The following TENM3 variants were observed in gnomAD, a reference collection of about 807,000 sequenced individuals.
The protein encoded by TENM3 is teneurin transmembrane protein 3, also known as teneurin-3.
A neutral mutation model predicts 255.1 loss-of-function variants in TENM3; 63 were observed. The observed-to-expected ratio is 0.25, with a 90% CI of 0.20 to 0.30. TENM3 has a LOEUF of 0.30. Among genes scored for constraint, TENM3 ranks in the 10% least tolerant of loss-of-function variants. The pLI, the probability that TENM3 is intolerant of heterozygous loss-of-function variation, is 1.00. For synonymous variants in TENM3, 1,306 were observed against 1,322.3 expected, an observed-to-expected ratio of 0.99 and a Z score of 0.27; for missense variants, 2,929 against 3,461.1, an observed-to-expected ratio of 0.85 and a Z score of 3.86.
At chr4:182,488,924 A>G (rs1056029249) in intron 3 of TENM3, among the ~76,000 whole-genome samples, 1 of 152,152 alleles carries the variant, frequency 6.6e-6, no homozygotes, top group Non-Finnish European at 1.5e-5. Flanking sequence ...CCTGGGCCTA[A>G]CAGTCATTTG....
At chr4:182,791,063 A>G (rs1766068656) in intron 25 of TENM3, among the ~76,000 whole-genome samples, 3 of 152,218 alleles carry the variant, frequency 2.0e-5, no homozygotes, top group Non-Finnish European at 4.4e-5. Flanking sequence ...AACAAGTAAT[A>G]TTTTACAGAC....
At chr4:181,756,972 G>A in the TENM3 span, among the ~76,000 whole-genome samples, 9 of 152,204 alleles carry the variant, frequency 5.9e-5, no homozygotes, top group East Asian at 1.9e-4. Context: ...TGTTGGTGGC[G>A]ATCACAGGCA....
the TENM3 span, among the ~76,000 whole-genome samples, chr4:181,874,743 C>A: frequency 6.6e-6 from 1 of 152,180 alleles, no homozygotes; most frequent in Non-Finnish European, 1.5e-5. Context: ...GGTGCCCTAC[C>A]ATGCATGTTC....
At chr4:182,728,007 C>T (rs1408306503) in intron 13 of TENM3, among the ~76,000 whole-genome samples, 1 of 151,900 alleles carries the variant, frequency 6.6e-6, no homozygotes, top group African/African-American at 2.4e-5. Flanking sequence ...ACAACAGGCA[C>T]CTGTCACCCC....
At chr4:182,047,673 T>G in the TENM3 span, among the ~76,000 whole-genome samples, 1 of 151,722 alleles carries the variant, frequency 6.6e-6, no homozygotes, top group South Asian at 2.1e-4. Context: ...TAACCAACAC[T>G]GATATTCTTA....
At chr4:182,676,615 T>C (rs1344724077) in intron 7 of TENM3, among the ~76,000 whole-genome samples, 3 of 152,220 alleles carry the variant, frequency 2.0e-5, no homozygotes, top group Non-Finnish European at 4.4e-5. Context: ...ATTAAACATA[T>C]AATCTAACTT....
intron 16 of TENM3, among the ~76,000 whole-genome samples, chr4:182,736,591 T>C (rs1225360855): frequency 6.6e-6 from 1 of 152,198 alleles, no homozygotes; most frequent in Non-Finnish European, 1.5e-5. Flanking sequence ...TTGAATAAGA[T>C]AACAGCTCAA....
At chr4:182,335,733 T>C (rs1017430323) in intron 2 of TENM3, among the ~76,000 whole-genome samples, 17 of 152,170 alleles carry the variant, frequency 1.1e-4, no homozygotes, top group African/African-American at 4.1e-4. Flanking sequence ...TAAATTAAAA[T>C]ACCCAGAAAC....
chr4:182,380,180 A>G (rs572715731), intron 3 of TENM3, among the ~76,000 whole-genome samples: 18 of 152,354 alleles, frequency 1.2e-4, no homozygotes, highest in East Asian at 1.9e-4. Flanking sequence ...CTGAGGCATG[A>G]GAATCACTTG....
At chr4:181,771,284 T>C in the TENM3 span, among the ~76,000 whole-genome samples, 1 of 152,226 alleles carries the variant, frequency 6.6e-6, no homozygotes, top group Non-Finnish European at 1.5e-5. Flanking sequence ...TTGAGTCATC[T>C]TGTACAAATG....
At position 182,743,321 on chromosome 4, in the gene TENM3, G is replaced by A. The variant is rs370690717; in HGVS notation, c.3531G>A (p.Ala1177=). ...GTAACAAGTTACTGGCCCCAGTGGC[G>A]CTAGCTTGTGGGATCGATGGCAGTC... ...ADGNKLLAPV[A]LACGIDGSLY... is the part of the protein sequence containing the mutation. Residue 1177 remains alanine (A), a synonymous_variant, in exon 19 of 28, where the codon GCG becomes GCA. Coordinates refer to ENST00000511685, the MANE Select transcript of TENM3 (RefSeq NM_001080477.4). The A allele has an allele frequency of 1.2e-5, 20 of 1,613,872 alleles. No individual in the cohort carries two copies. Among genetic ancestry groups the A allele is most frequent in the Middle Eastern group, 1.6e-4 (1 of 6,084 alleles).
Position 182,774,959 on chromosome 4 carries a change from C to G in TENM3, c.5110C>G (p.Leu1704Val), listed in dbSNP as rs865956628. The G allele has an allele frequency of 6.2e-7, 1 of 1,613,846 alleles. No individual in the cohort carries two copies. The highest frequency in any genetic ancestry group is 2.2e-5 in the East Asian group (1 of 44,876). ...CTACCAGATTGGTTATGACGGCTCC[C>G]TCAGAATTATCTACGCCAGTGGCCT... ...NSYQIGYDGS[L>V]RIIYASGLDS... The change falls in exon 24 of 28, where the codon CTC becomes GTC. Residue 1704 changes from leucine (L) to valine (V), a missense_variant. Leu to Val is a conservative substitution (Grantham distance 32). Around this residue, in one of 6 missense-constraint regions of TENM3, gnomAD observed 1,608 missense variants for 1,884.4 expected, o/e 0.85. Coordinates refer to ENST00000511685, the MANE Select transcript of TENM3 (RefSeq NM_001080477.4).
chr4:182,083,161 T>C, the TENM3 span, among the ~76,000 whole-genome samples: 5 of 152,340 alleles, frequency 3.3e-5, no homozygotes, highest in East Asian at 9.6e-4. Context: ...TTAAATTATC[T>C]GAAACTGCTC....
chr4:182,246,759 C>T (rs1055007060), intron 1 of TENM3, among the ~76,000 whole-genome samples: 7 of 152,212 alleles, frequency 4.6e-5, no homozygotes, highest in African/African-American at 1.4e-4. Context: ...CCCTCCCTCT[C>T]GTCCTTCGCT....
intron 13 of TENM3, among the ~76,000 whole-genome samples, chr4:182,725,636 C>CTTTT (rs5864795): frequency 2.1e-4 from 28 of 133,660 alleles, no homozygotes; most frequent in Non-Finnish European, 2.6e-4. Flanking sequence ...TCTTTTTTTT[C>CTTTT]TTTTTTTTTT....
Position 182,449,062 on chromosome 4 carries a change from A to G in TENM3, c.511+102133A>G, listed in dbSNP as rs1335737800. 7 of 346,974 alleles carry G rather than the reference A, an allele frequency of 2.0e-5. 1 individual carries two copies. Among genetic ancestry groups the G allele is most frequent in the Non-Finnish European group, 3.5e-5 (6 of 170,460 alleles). 21.5% of individuals were successfully genotyped at this position (346,974 alleles called of 1,614,324 possible). ...GCTGGGCTCGGTTCCTCACGGCCAC[A>G]GCGAGGGCGCGCCGCGGCAAGGTGG... On this transcript the variant is annotated intron_variant, in intron 3 of 27. Coordinates refer to ENST00000511685, the MANE Select transcript of TENM3 (RefSeq NM_001080477.4).
the TENM3 span, among the ~76,000 whole-genome samples, chr4:181,576,983 T>TTA: frequency 4.5e-5 from 6 of 132,486 alleles, no homozygotes; most frequent in African/African-American, 1.4e-4. Flanking sequence ...CCGGCTAATA[T>TTA]TATATATATT....
the TENM3 span, among the ~76,000 whole-genome samples, chr4:181,984,349 A>C: frequency 6.6e-6 from 1 of 152,114 alleles, no homozygotes; most frequent in Non-Finnish European, 1.5e-5. Context: ...ATCCAAAGCA[A>C]TTTACAGAAA....
At chr4:181,579,451 C>T in the TENM3 span, among the ~76,000 whole-genome samples, 2 of 152,172 alleles carry the variant, frequency 1.3e-5, no homozygotes, top group Non-Finnish European at 2.9e-5. Context: ...GATACACTAT[C>T]TCTTCTGAGA....
Sources: gnomAD v4.1 joint callset for allele counts (sites outside exome capture counted in the v4.1 genomes callset) on GRCh38, gnomAD v4.1.1 for gene constraint, gnomAD v4.1.1 regional missense constraint, MANE v1.5 for transcripts, NCBI Gene and HGNC (gene_info 2026-07-23, HGNC 2026-07-21) for gene names.